Variants in PER2 observed in about 807,000 individuals in gnomAD.
PER2 encodes the protein period circadian protein homolog 2.
PER2 carries 66 observed loss-of-function variants against 121.0 expected under a neutral mutation model. The observed-to-expected ratio is 0.55, with a 90% CI of 0.45 to 0.67. The LOEUF is 0.67. Among genes scored for constraint, PER2 ranks in the 30% least tolerant of loss-of-function variants. The pLI is 0.00. For synonymous variants in PER2, 684 were observed against 659.9 expected, an observed-to-expected ratio of 1.04 and a Z score of -0.56; for missense variants, 1,521 against 1,635.0, an observed-to-expected ratio of 0.93 and a Z score of 1.20.
At position 238,248,656 on chromosome 2, in the gene PER2, A is replaced by ATT. The variant is rs11455419; in HGVS notation, c.3618+404_3618+405dup. Among the ~76,000 whole-genome samples, 191 of 140,310 alleles carry ATT rather than the reference A, an allele frequency of 1.4e-3. 1 individual carries two copies. Among genetic ancestry groups the ATT allele is most frequent in the East Asian group, 3.1e-3 (15 of 4,778 alleles). 92.0% of individuals were successfully genotyped at this position (140,310 alleles called of 152,430 possible). The stretch of plus-strand genomic sequence containing the variant: ...AAAACATAAACCTTTAATTTTAGAA[A>ATT]TTTTTTTTTTTTTTTTTGAGACAGA... On this transcript the variant is annotated intron_variant, in intron 22 of 22. Transcript: ENST00000254657.
intron 3 of PER2, among the ~76,000 whole-genome samples, chr2:238,276,471 T>C (rs1696459505): frequency 6.6e-6 from 1 of 152,214 alleles, no homozygotes; most frequent in Non-Finnish European, 1.5e-5. Context: ...TCTGGTGCAG[T>C]GGACTGTGCA....
intron 17 of PER2, 149 bp from the exon 18 acceptor site, chr2:238,256,060 T>C (rs1695751530): frequency 9.5e-7 from 1 of 1,054,484 alleles, no homozygotes; most frequent in East Asian, 2.5e-5. Context: ...AGCGTTTTCA[T>C]TTAGCTTTCT....
chr2:238,261,582 C>T, intron 12 of PER2, 147 bp downstream of exon 12: 1 of 692,130 alleles, frequency 1.4e-6, no homozygotes. Context: ...ACAGTCTATG[C>T]CCAAACTGTC....
At chr2:238,255,544 T>C in intron 18 of PER2, 113 bp downstream of exon 18, 2 of 1,102,894 alleles carry the variant, frequency 1.8e-6, no homozygotes, top group Non-Finnish European at 2.8e-6. Flanking sequence ...AGCTGTCTTA[T>C]ATGTTAATGC....
At chr2:238,290,445 C>T (rs1014090541), upstream of PER2, among the ~76,000 whole-genome samples, 2 of 152,180 alleles carry the variant, frequency 1.3e-5, no homozygotes, top group African/African-American at 4.8e-5. Flanking sequence ...GACAGCTCAT[C>T]CACACCTTAC....
Position 238,253,623 on chromosome 2 carries a change from C to T in PER2, c.2400G>A (p.Lys800=). 6.2e-7 allele frequency: 1 copy of T among 1,609,816 alleles called. No homozygotes were observed. Among genetic ancestry groups the T allele is most frequent in the Non-Finnish European group, 8.5e-7 (1 of 1,177,914 alleles). ...CAGATGAGTCTCGAGGTTTGACCCG[C>T]TTGGACTTCAATTTTCTGTTCTTTC... ...KTGKNRKLKS[K]RVKPRDSSES... Residue 800 remains lysine (K), a synonymous_variant, in exon 19 of 23, where the codon AAG becomes AAA. Transcript: ENST00000254657. This position sits in a 1 kb window ranked among gnomAD's most constrained non-coding sequence, Gnocchi z 5.6.
At chr2:238,280,137 A>AGGGCTAGAAG (rs1445193325) in intron 1 of PER2, among the ~76,000 whole-genome samples, 14 of 152,302 alleles carry the variant, frequency 9.2e-5, no homozygotes, top group African/African-American at 3.4e-4. Flanking sequence ...AGGGCTAGAA[A>AGGGCTAGAAG]CCAGCCAGCA....
At chr2:238,295,844 A>G in the PER2 span, 1 of 182,492 alleles carries the variant, frequency 5.5e-6, no homozygotes, top group South Asian at 9.6e-5. Flanking sequence ...GTGTAGGTGG[A>G]CTGTTGGGGT....
chr2:238,291,402 C>A (rs1447304179), upstream of PER2, among the ~76,000 whole-genome samples: 1 of 152,220 alleles, frequency 6.6e-6, no homozygotes, highest in Non-Finnish European at 1.5e-5. Context: ...ACTCATGCAC[C>A]CAGCCAATTG....
intron 6 of PER2, among the ~76,000 whole-genome samples, chr2:238,269,874 G>A (rs1164472613): frequency 1.3e-5 from 2 of 152,232 alleles, no homozygotes; most frequent in Non-Finnish European, 2.9e-5. Flanking sequence ...GGAAGGCCTC[G>A]GAGATTTCAT....
At chr2:238,297,028 A>G in the PER2 span, among the ~76,000 whole-genome samples, 3 of 152,160 alleles carry the variant, frequency 2.0e-5, no homozygotes, top group Non-Finnish European at 4.4e-5. Flanking sequence ...CTGGTGTGTG[A>G]CTGGCCTCAA....
chr2:238,244,497 CTG>C lies in PER2; in HGVS notation c.*1876_*1877del, dbSNP rs1273181277. The C allele has an allele frequency of 6.6e-5, 10 of 152,296 alleles. No homozygotes were observed. Among genetic ancestry groups the C allele is most frequent in the Admixed American group, 6.5e-4 (10 of 15,290 alleles). The allele number at this position is 152,296 out of a possible 1,614,324, so 9.4% of individuals were successfully genotyped here. A position where few individuals can be genotyped will look rare whatever the true frequency, so the allele number is the denominator to read the frequency against. On this transcript the variant is annotated 3_prime_UTR_variant, in exon 23 of 23. Transcript: ENST00000254657. ...GCAGTTTTGTGTTTCGGTAACATAA[CTG>C]TAACCTTAGATGAACACCTATCCCT...
upstream of PER2, among the ~76,000 whole-genome samples, chr2:238,290,316 A>C (rs934159236): frequency 3.3e-5 from 5 of 151,962 alleles, no homozygotes; most frequent in Non-Finnish European, 7.4e-5. Context: ...TACACACACA[A>C]ATGCCAAGCA....
At chr2:238,258,123 C>T (rs1268872562) in intron 16 of PER2, among the ~76,000 whole-genome samples, 153 bp downstream of exon 16, 1 of 152,248 alleles carries the variant, frequency 6.6e-6, no homozygotes, top group African/African-American at 2.4e-5. Flanking sequence ...GCCTCTAGTT[C>T]CTAAGAAGGG....
At chr2:238,266,143 TCCGC>T in intron 8 of PER2, among the ~76,000 whole-genome samples, 1 of 152,184 alleles carries the variant, frequency 6.6e-6, no homozygotes, top group Non-Finnish European at 1.5e-5. Context: ...GACCTCGTGA[TCCGC>T]CCACCTTGGC....
intron 1 of PER2, among the ~76,000 whole-genome samples, chr2:238,281,409 C>G (rs966406126): frequency 6.6e-6 from 1 of 152,182 alleles, no homozygotes; most frequent in Non-Finnish European, 1.5e-5. Context: ...TATCAACATC[C>G]TGAGTCACAT....
chr2:238,289,365 GC>G (rs1696902086), upstream of PER2: 1 of 152,236 alleles, frequency 6.6e-6, no homozygotes, highest in Non-Finnish European at 1.5e-5. Context: ...CCGCCCTGCA[GC>G]AGCTCCGGGG....
chr2:238,244,492 C>T lies in PER2; in HGVS notation c.*1883G>A, dbSNP rs1215953613. Reference sequence around the variant, plus strand: ...TTTTGGCAGTTTTGTGTTTCGGTAACATAACTGTAACCTTAGATGAACACC... The same window carrying T: ...TTTTGGCAGTTTTGTGTTTCGGTAATATAACTGTAACCTTAGATGAACACC... On this transcript the variant is annotated 3_prime_UTR_variant, in exon 23 of 23. Transcript: ENST00000254657. 1.3e-5 allele frequency: 2 copies of T among 152,292 alleles called. No homozygotes were observed. Among genetic ancestry groups the T allele is most frequent in the Non-Finnish European group, 2.9e-5 (2 of 68,044 alleles). The allele number at this position is 152,292 out of a possible 1,614,324, so 9.4% of individuals were successfully genotyped here. A position where few individuals can be genotyped will look rare whatever the true frequency, so the allele number is the denominator to read the frequency against.
chr2:238,292,607 A>G (rs1050453270), upstream of PER2, among the ~76,000 whole-genome samples: 1 of 152,068 alleles, frequency 6.6e-6, no homozygotes, highest in Non-Finnish European at 1.5e-5. Flanking sequence ...TGAGCCTTAG[A>G]TGTTTGTTTT....
Sources: allele counts gnomAD v4.1 joint callset (sites outside exome capture counted in the v4.1 genomes callset), GRCh38; gene constraint gnomAD v4.1.1; non-coding constraint Gnocchi (gnomAD v3.1); transcripts MANE v1.5; gene names NCBI Gene and HGNC (gene_info 2026-07-23, HGNC 2026-07-21).